FNBP1L: variants seen among roughly 807,000 people sequenced by gnomAD.
FNBP1L encodes the protein formin binding protein 1 like, also known as formin-binding protein 1-like.
Under a neutral mutation model 91.2 loss-of-function variants are expected in FNBP1L, and 36 were observed. The ratio of observed to expected loss-of-function variants is 0.39; its 90% CI spans 0.30 to 0.52. FNBP1L has a LOEUF of 0.52. Among genes scored for constraint, FNBP1L ranks in the 20% least tolerant of loss-of-function variants. FNBP1L has a pLI of 0.66. For synonymous variants in FNBP1L, 242 were observed against 237.0 expected (o/e 1.02, Z -0.19); for missense variants, 571 against 732.1 (o/e 0.78, Z 2.54).
intron 2 of FNBP1L, among the ~76,000 whole-genome samples, chr1:93,505,084 A>G (rs1484363719): frequency 1.4e-5 from 2 of 142,380 alleles, no homozygotes; most frequent in African/African-American, 2.6e-5. Context: ...TAATATTTGT[A>G]TGTGTTAAAA....
chr1:93,481,002 A>G (rs1341986855), intron 1 of FNBP1L, among the ~76,000 whole-genome samples: 3 of 152,188 alleles, frequency 2.0e-5, no homozygotes, highest in Non-Finnish European at 4.4e-5. Flanking sequence ...GAAAAAAAAA[A>G]TCATAATCCC....
chr1:93,541,453 C>A (rs1672040355), intron 11 of FNBP1L, among the ~76,000 whole-genome samples: 1 of 151,988 alleles, frequency 6.6e-6, no homozygotes, highest in Admixed American at 6.6e-5. Flanking sequence ...TCCCCAGAGT[C>A]ATTAGATTTT....
At chr1:93,527,027 G>A (rs1671516111) in intron 5 of FNBP1L, among the ~76,000 whole-genome samples, 1 of 151,872 alleles carries the variant, frequency 6.6e-6, no homozygotes, top group Non-Finnish European at 1.5e-5. Flanking sequence ...ATATTTTAGG[G>A]GCTTTGAGTA....
At chr1:93,535,156 T>C (rs1671803873) in intron 9 of FNBP1L, among the ~76,000 whole-genome samples, 1 of 152,150 alleles carries the variant, frequency 6.6e-6, no homozygotes, top group Admixed American at 6.6e-5. Flanking sequence ...TTAAGTTATA[T>C]GCTTTTGAAG....
intron 1 of FNBP1L, among the ~76,000 whole-genome samples, chr1:93,475,606 A>T (rs954666306): frequency 6.6e-6 from 1 of 152,206 alleles, no homozygotes; most frequent in Non-Finnish European, 1.5e-5. Context: ...CATGCATGTA[A>T]TAAAGAGATA....
chr1:93,482,446 T>C (rs1669742152), intron 1 of FNBP1L, among the ~76,000 whole-genome samples: 1 of 151,018 alleles, frequency 6.6e-6, no homozygotes, highest in African/African-American at 2.4e-5. Context: ...TTTATAAATA[T>C]GCTTGTAAGT....
rs1176450660 is a variant in FNBP1L at position 93,514,350 on chromosome 1, A to C, written c.141-7732A>C. On this transcript the variant is annotated intron_variant, in intron 2 of 16. Transcript: ENST00000271234. ...GAAAATGGCCATACTGCCCAAGGTAATTTACAGATTCAATGCCATCCCCAT... is the reference window on the plus strand; with the variant it reads ...GAAAATGGCCATACTGCCCAAGGTACTTTACAGATTCAATGCCATCCCCAT... 7.2e-5 allele frequency among the ~76,000 whole-genome samples: 11 copies of C among 151,768 alleles called. No homozygotes were observed. In the South Asian group the frequency reaches 2.3e-3, roughly 32 times the overall value.
chr1:93,464,924 C>T (rs1425222908), intron 1 of FNBP1L, among the ~76,000 whole-genome samples: 4 of 152,032 alleles, frequency 2.6e-5, no homozygotes, highest in Non-Finnish European at 5.9e-5. Flanking sequence ...GGGGATGATA[C>T]CAACCCAGAA....
chr1:93,459,869 A>G (rs1425335969), intron 1 of FNBP1L, among the ~76,000 whole-genome samples: 1 of 151,992 alleles, frequency 6.6e-6, no homozygotes, highest in Non-Finnish European at 1.5e-5. Context: ...CTTAATCTCT[A>G]ATACAAGAGT....
At chr1:93,483,906 A>C (rs1216647130) in intron 1 of FNBP1L, among the ~76,000 whole-genome samples, 1 of 152,196 alleles carries the variant, frequency 6.6e-6, no homozygotes, top group African/African-American at 2.4e-5. Context: ...TCATTGATTT[A>C]GCTGTTTCTT....
intron 1 of FNBP1L, among the ~76,000 whole-genome samples, chr1:93,472,511 T>G (rs1669322146): frequency 6.6e-6 from 1 of 151,132 alleles, no homozygotes; most frequent in South Asian, 2.1e-4. Flanking sequence ...TGCAGAGAGA[T>G]TATTAAAAAA....
At chr1:93,526,450 AG>A (rs1432256283) in intron 5 of FNBP1L, among the ~76,000 whole-genome samples, 3 of 152,300 alleles carry the variant, frequency 2.0e-5, no homozygotes, top group African/African-American at 7.2e-5. Flanking sequence ...TTTCATCCAG[AG>A]GTGGGAAAAA....
At chr1:93,509,872 T>A (rs1481073528) in intron 2 of FNBP1L, among the ~76,000 whole-genome samples, 1 of 152,142 alleles carries the variant, frequency 6.6e-6, no homozygotes, top group African/African-American at 2.4e-5. Flanking sequence ...GAAAATTGGG[T>A]CACTCCTACC....
chr1:93,532,211 G>A (rs57974365), intron 7 of FNBP1L, among the ~76,000 whole-genome samples: 3,688 of 152,188 alleles, frequency 0.024, 122 homozygotes, highest in African/African-American at 0.081. Flanking sequence ...GCTCACGCCT[G>A]TAATCCCAGC....
intron 2 of FNBP1L, among the ~76,000 whole-genome samples, chr1:93,513,948 G>T (rs1368373277): frequency 1.3e-5 from 2 of 152,004 alleles, no homozygotes; most frequent in African/African-American, 2.4e-5. Flanking sequence ...AGAAATAAAG[G>T]GTATTCAATT....
At chr1:93,528,082 A>G (rs2101755305) in intron 5 of FNBP1L, among the ~76,000 whole-genome samples, 1 of 152,290 alleles carries the variant, frequency 6.6e-6, no homozygotes, top group East Asian at 1.9e-4. Context: ...TAGGAGACTC[A>G]TCCAGTAGGT....
At chr1:93,536,244 A>T (rs1252450841) in intron 9 of FNBP1L, 88 bp from the exon 10 acceptor site, 15 of 977,148 alleles carry the variant, frequency 1.5e-5, no homozygotes, top group Non-Finnish European at 2.0e-5. Context: ...ATATTTTGTG[A>T]AAAGTATGTT....
chr1:93,543,947 A>T (rs1424238687), intron 11 of FNBP1L, 160 bp from the exon 12 acceptor site: 2 of 450,646 alleles, frequency 4.4e-6, no homozygotes, highest in East Asian at 3.6e-5. Context: ...ACGCATAAAC[A>T]CACACATCTG....
chr1:93,489,230 T>C (rs1224553294), intron 1 of FNBP1L, among the ~76,000 whole-genome samples: 3 of 152,014 alleles, frequency 2.0e-5, no homozygotes, highest in Non-Finnish European at 4.4e-5. Flanking sequence ...GAAGGAGTGA[T>C]TATAATGACG....
Sources: allele counts gnomAD v4.1 joint callset (sites outside exome capture counted in the v4.1 genomes callset), GRCh38; gene constraint gnomAD v4.1.1; transcripts MANE v1.5; gene names NCBI Gene and HGNC (gene_info 2026-07-23, HGNC 2026-07-21).